The following MPHOSPH9 variants were observed in gnomAD, a reference collection of about 807,000 sequenced individuals.
MPHOSPH9 encodes M-phase phosphoprotein 9.
MPHOSPH9 carries 88 observed loss-of-function variants against 145.5 expected under a neutral mutation model. The ratio of observed to expected loss-of-function variants is 0.60; its 90% confidence interval spans 0.51 to 0.72. The LOEUF is 0.72. Among genes scored for constraint, MPHOSPH9 ranks in the 30% least tolerant of loss-of-function variants. MPHOSPH9 has a pLI of 0.00. For synonymous variants in MPHOSPH9, 435 were observed against 486.2 expected, an observed-to-expected ratio of 0.89 and a Z score of 1.39; for missense variants, 1,238 against 1,386.6, an observed-to-expected ratio of 0.89 and a Z score of 1.70.
In MPHOSPH9 at chr12:123,180,345, C is replaced by T. The variant is rs199678938; in HGVS notation, c.2290-355G>A. On this transcript the variant is annotated intron_variant, in intron 14 of 23. Coordinates refer to ENST00000606320, the MANE Select transcript of MPHOSPH9 (RefSeq NM_022782.4). ...ATATCATGGGATCTGCTCCCGAACCCTCAGAATGCTTTGGCAGCCAAGCTA... is the reference window on the plus strand; with the variant it reads ...ATATCATGGGATCTGCTCCCGAACCTTCAGAATGCTTTGGCAGCCAAGCTA... Among the ~76,000 whole-genome samples the T allele has an allele frequency of 2.6e-4, 39 of 152,288 alleles. 1 individual carries two copies. In the East Asian group the frequency reaches 7.3e-3, roughly 29 times the overall value.
upstream of MPHOSPH9, among the ~76,000 whole-genome samples, chr12:123,235,651 C>T (rs939021751): frequency 6.6e-6 from 1 of 151,352 alleles, no homozygotes; most frequent in Non-Finnish European, 1.5e-5. Flanking sequence ...GGATTACAGG[C>T]GTGAGCCACC....
At position 123,160,952 on chromosome 12, in the gene MPHOSPH9, T is replaced by C. The variant is rs1314824571; in HGVS notation, c.3382-103A>G. ...GCTTAGTATTTCCTTGTCCATTTCA[T>C]CTCAACTTAATTTCCCTCTGTCAAT... is the stretch of plus-strand genomic sequence containing the variant. On this transcript the variant is annotated intron_variant, in intron 22 of 23. Transcript: ENST00000606320. The C allele has an allele frequency of 6.5e-6, 9 of 1,383,768 alleles. No homozygotes were observed. In the Admixed American group the frequency reaches 1.9e-4, roughly 28 times the overall value. The allele number at this position is 1,383,768 out of a possible 1,614,324, so 85.7% of individuals were successfully genotyped here.
At chr12:123,211,274 C>G (rs952382338) in intron 7 of MPHOSPH9, among the ~76,000 whole-genome samples, 1 of 151,924 alleles carries the variant, frequency 6.6e-6, no homozygotes. Context: ...TGTGAGCCAC[C>G]GTGCCCAGAC....
intron 7 of MPHOSPH9, among the ~76,000 whole-genome samples, chr12:123,211,575 C>CA (rs1484950099): frequency 1.3e-5 from 2 of 151,676 alleles, no homozygotes; most frequent in Non-Finnish European, 2.9e-5. Flanking sequence ...AGGCTGGTCT[C>CA]AAACTCCAGA....
intron 6 of MPHOSPH9, among the ~76,000 whole-genome samples, chr12:123,215,693 A>C (rs2046923034): frequency 6.6e-6 from 1 of 152,316 alleles, no homozygotes; most frequent in East Asian, 1.9e-4. Context: ...ACACTGTCGC[A>C]AGAAATGTGT....
chr12:123,218,083 C>T (rs989520475), intron 6 of MPHOSPH9, among the ~76,000 whole-genome samples: 4 of 150,934 alleles, frequency 2.7e-5, no homozygotes, highest in South Asian at 2.1e-4. Flanking sequence ...TGGTGGCACA[C>T]GACTGTACCA....
At chr12:123,198,400 T>C in intron 11 of MPHOSPH9, 66 bp from the exon 12 acceptor site, 1 of 1,235,896 alleles carries the variant, frequency 8.1e-7, no homozygotes, top group Non-Finnish European at 1.1e-6. Context: ...ATTACATAAA[T>C]CTAACCAATT....
At chr12:123,186,243 A>C (rs56145016) in intron 13 of MPHOSPH9, among the ~76,000 whole-genome samples, 7 of 109,004 alleles carry the variant, frequency 6.4e-5, no homozygotes, top group Admixed American at 2.0e-4. Context: ...AAAAAAAAAA[A>C]AAAAAAAAGA....
chr12:123,217,435 G>C (rs2138546122), intron 6 of MPHOSPH9, among the ~76,000 whole-genome samples: 1 of 152,026 alleles, frequency 6.6e-6, no homozygotes, highest in South Asian at 2.1e-4. Context: ...TTGACCTCGT[G>C]ATCTGCCCAC....
chr12:123,233,491 T>C (rs2047763798), upstream of MPHOSPH9: 1 of 152,198 alleles, frequency 6.6e-6, no homozygotes, highest in East Asian at 1.9e-4. Flanking sequence ...GATTTGGATA[T>C]CCCTAGAACG....
chr12:123,209,047 C>G (rs954849823), intron 8 of MPHOSPH9, among the ~76,000 whole-genome samples: 5 of 152,186 alleles, frequency 3.3e-5, no homozygotes, highest in Admixed American at 1.3e-4. Flanking sequence ...ATTCTCCTGC[C>G]TCAGCCACCT....
chr12:123,227,331 C>T (rs1046265753), intron 3 of MPHOSPH9, 132 bp downstream of exon 3: 1 of 620,072 alleles, frequency 1.6e-6, no homozygotes, highest in Non-Finnish European at 2.5e-6. Context: ...AATTAATATA[C>T]TTGACCACTT....
chr12:123,191,522 A>G (rs2138216392), intron 13 of MPHOSPH9, among the ~76,000 whole-genome samples: 1 of 152,086 alleles, frequency 6.6e-6, no homozygotes, highest in Non-Finnish European at 1.5e-5. Context: ...CGAACTGCTG[A>G]CCTCAGGTGA....
chr12:123,198,561 A>G (rs2046075786), intron 11 of MPHOSPH9, among the ~76,000 whole-genome samples: 1 of 152,082 alleles, frequency 6.6e-6, no homozygotes, highest in Non-Finnish European at 1.5e-5. Flanking sequence ...TGTAATACTA[A>G]CACTTTGGGA....
chr12:123,208,937 T>C (rs2046572357), intron 8 of MPHOSPH9, among the ~76,000 whole-genome samples: 1 of 151,750 alleles, frequency 6.6e-6, no homozygotes, highest in South Asian at 2.1e-4. Flanking sequence ...CTTTTTTCTG[T>C]TGTTGTTTTT....
chr12:123,192,962 C>A (rs2045756792), intron 13 of MPHOSPH9, among the ~76,000 whole-genome samples: 1 of 150,524 alleles, frequency 6.6e-6, no homozygotes, highest in Admixed American at 6.6e-5. Context: ...CTCCCAGCTA[C>A]TCAGGAGGCT....
chr12:123,175,669 C>T (rs2044824679), intron 16 of MPHOSPH9, among the ~76,000 whole-genome samples: 1 of 148,036 alleles, frequency 6.8e-6, no homozygotes, highest in Admixed American at 6.8e-5. Context: ...CCTCCCATCC[C>T]TCACCCCACA....
chr12:123,167,609 G>A (rs957334948), intron 16 of MPHOSPH9, among the ~76,000 whole-genome samples: 3 of 152,076 alleles, frequency 2.0e-5, no homozygotes, highest in African/African-American at 7.2e-5. Flanking sequence ...CTTTGGACAT[G>A]CTTATGGTTC....
At chr12:123,199,236 C>T (rs1249361002) in intron 11 of MPHOSPH9, among the ~76,000 whole-genome samples, 2 of 152,096 alleles carry the variant, frequency 1.3e-5, no homozygotes, top group African/African-American at 4.8e-5. Flanking sequence ...ATCCAATTTA[C>T]TTTTCATATT....
Sources: allele counts gnomAD v4.1 joint callset (sites outside exome capture counted in the v4.1 genomes callset), GRCh38; gene constraint gnomAD v4.1.1; transcripts MANE v1.5; gene names NCBI Gene and HGNC (gene_info 2026-07-23, HGNC 2026-07-21).